The following TCF20 variants were observed in gnomAD, a reference collection of about 807,000 sequenced individuals.
TCF20 encodes transcription factor 20.
Under a neutral mutation model 148.6 loss-of-function variants are expected in TCF20, and 3 were observed. The ratio of observed to expected loss-of-function variants is 0.02; its 90% CI spans 0.01 to 0.05. TCF20 has a LOEUF of 0.05. Ranked by LOEUF, TCF20 falls within the 10% of genes least tolerant of loss-of-function variation. The pLI is 1.00. For synonymous variants in TCF20, 1,049 were observed against 909.5 expected, an observed-to-expected ratio of 1.15 and a Z score of -2.76; for missense variants, 2,350 against 2,429.3, an observed-to-expected ratio of 0.97 and a Z score of 0.69.
chr22:42,195,232 A>G (rs1326504254), intron 2 of TCF20, among the ~76,000 whole-genome samples: 1 of 151,312 alleles, frequency 6.6e-6, no homozygotes, highest in Non-Finnish European at 1.5e-5. Context: ...CCAGAGACAT[A>G]CACTGAAACT....
At chr22:42,273,879 G>A (rs1284496625), upstream of TCF20, 1 of 152,724 alleles carries the variant, frequency 6.5e-6, no homozygotes, top group Admixed American at 6.5e-5. Context: ...TACAAATGGA[G>A]CCTTCTGCCT....
intron 5 of TCF20, among the ~76,000 whole-genome samples, chr22:42,162,463 G>A (rs547681017): frequency 5.9e-5 from 9 of 152,290 alleles, no homozygotes; most frequent in Non-Finnish European, 1.0e-4. Context: ...ATGTGCAGAA[G>A]GGGATTCTGA....
At chr22:42,264,702 T>C (rs746921296) in intron 1 of TCF20, among the ~76,000 whole-genome samples, 1 of 152,218 alleles carries the variant, frequency 6.6e-6, no homozygotes, top group Non-Finnish European at 1.5e-5. Context: ...CCTGAGTTAT[T>C]TCACATTGTT....
intron 2 of TCF20, among the ~76,000 whole-genome samples, chr22:42,180,231 A>G (rs1173789556): frequency 6.6e-6 from 1 of 152,196 alleles, no homozygotes; most frequent in Non-Finnish European, 1.5e-5. Context: ...ACTTACCCCA[A>G]ATGCCCAATA....
At chr22:42,342,499 G>C (rs967307596) in intron 1 of TCF20, among the ~76,000 whole-genome samples, 1 of 152,224 alleles carries the variant, frequency 6.6e-6, no homozygotes, top group Non-Finnish European at 1.5e-5. Context: ...ACTCTGAGCA[G>C]CACTAGACTA....
intron 1 of TCF20, among the ~76,000 whole-genome samples, chr22:42,267,977 C>G (rs1414438972): frequency 6.6e-6 from 1 of 152,072 alleles, no homozygotes; most frequent in African/African-American, 2.4e-5. Flanking sequence ...GAAATGTTGT[C>G]TCTACTTAAA....
intron 1 of TCF20, among the ~76,000 whole-genome samples, chr22:42,311,213 C>G (rs1032128338): frequency 6.6e-6 from 1 of 152,226 alleles, no homozygotes; most frequent in South Asian, 2.1e-4. Flanking sequence ...GGCAGGGGTC[C>G]CTGCGGGGCT....
At chr22:42,254,224 T>C (rs112497115) in intron 1 of TCF20, among the ~76,000 whole-genome samples, 14 of 152,326 alleles carry the variant, frequency 9.2e-5, no homozygotes, top group African/African-American at 3.1e-4. Context: ...GCTGGGAATA[T>C]GATGGGCAAC....
chr22:42,271,786 A>G (rs1926630655), upstream of TCF20, among the ~76,000 whole-genome samples: 1 of 152,158 alleles, frequency 6.6e-6, no homozygotes, highest in African/African-American at 2.4e-5. Flanking sequence ...ACCCAACTTA[A>G]AAGTTGGGAT....
At chr22:42,300,866 C>T (rs5758703) in intron 1 of TCF20, among the ~76,000 whole-genome samples, 100,257 of 152,050 alleles carry the variant, frequency 0.66, 33,687 homozygotes, top group African/African-American at 0.79. Context: ...TCCCCTCCCC[C>T]GAGCCCCACC....
Position 42,324,220 on chromosome 22 carries a change from ATGATGGTGG to A in TCF20, c.-37+19250_-37+19258del, listed in dbSNP as rs1482914692. 3.0e-5 allele frequency among the ~76,000 whole-genome samples: 4 copies of A among 134,982 alleles called. No homozygotes were observed. In the East Asian group the frequency reaches 6.4e-4, roughly 22 times the overall value. 88.6% of individuals were successfully genotyped at this position (134,982 alleles called of 152,430 possible). ...GGTGGAGGTTATGGTGGAGGTGGTGATGATGGTGGTGATGGTGGTGGCCATTATTATTGG... is the reference window on the plus strand; with the variant it reads ...GGTGGAGGTTATGGTGGAGGTGGTGATGATGGTGGTGGCCATTATTATTGG... On this transcript the variant is annotated intron_variant, in intron 1 of 1. Coordinates refer to the TCF20 transcript ENST00000515426.
chr22:42,183,871 C>T (rs973980240), intron 2 of TCF20, among the ~76,000 whole-genome samples: 3 of 151,590 alleles, frequency 2.0e-5, no homozygotes, highest in African/African-American at 4.9e-5. Flanking sequence ...CGGGTTCAAG[C>T]GATTCCCCTG....
At chr22:42,188,732 G>A (rs1246462824) in intron 2 of TCF20, among the ~76,000 whole-genome samples, 1 of 152,092 alleles carries the variant, frequency 6.6e-6, no homozygotes, top group Admixed American at 6.6e-5. Context: ...TGATGGTATC[G>A]ACTTCAGAAG....
intron 2 of TCF20, among the ~76,000 whole-genome samples, chr22:42,199,704 T>TAA (rs1569132053): frequency 6.7e-5 from 1 of 14,964 alleles, no homozygotes; most frequent in Non-Finnish European, 1.5e-4. Context: ...ACCCCATCTC[T>TAA]ACAAAAAAAA....
intron 2 of TCF20, among the ~76,000 whole-genome samples, chr22:42,188,292 T>TAAAAAAAAAAA (rs1937145750): frequency 9.2e-4 from 1 of 1,086 alleles, no homozygotes; most frequent in Admixed American, 0.015. Context: ...AAACTCCGTC[T>TAAAAAAAAAAA]CAAAAAAAAA....
intron 1 of TCF20, among the ~76,000 whole-genome samples, chr22:42,293,364 C>T (rs134906): frequency 0.37 from 55,544 of 152,134 alleles, 11,380 homozygotes; most frequent in Non-Finnish European, 0.45. Flanking sequence ...AGCTCATTCC[C>T]TAGGGCTCGG....
rs962958105 is a variant in TCF20, at chr22:42,317,620, G to A, written c.-37+25859C>T. 6.6e-6 allele frequency among the ~76,000 whole-genome samples: 1 copy of A among 152,032 alleles called. No individual in the cohort carries two copies. Among genetic ancestry groups the A allele is most frequent in the Admixed American group, 6.6e-5 (1 of 15,264 alleles). On this transcript the variant is annotated intron_variant, in intron 1 of 1. Coordinates refer to the TCF20 transcript ENST00000515426. The surrounding 1 kb of genome is among the most constrained non-coding windows in gnomAD (Gnocchi z 4.2). ...GCCCAAGGCAGCACCCTCAGAGGAGGGCTCTGCTCCTGCATTCCCGCTGGG... is the reference window on the plus strand; with the variant it reads ...GCCCAAGGCAGCACCCTCAGAGGAGAGCTCTGCTCCTGCATTCCCGCTGGG...
chr22:42,164,371 C>G (rs757350786), intron 5 of TCF20, among the ~76,000 whole-genome samples: 1 of 152,048 alleles, frequency 6.6e-6, no homozygotes, highest in Non-Finnish European at 1.5e-5. Context: ...CCCACCACCA[C>G]GCCCGGCTAA....
In TCF20 at chr22:42,161,236, A is replaced by G; in HGVS notation, c.*167T>C. 1.4e-6 allele frequency: 2 copies of G among 1,405,046 alleles called. No individual in the cohort carries two copies. Among genetic ancestry groups the G allele is most frequent in the Non-Finnish European group, 2.0e-6 (2 of 1,007,386 alleles). The allele number at this position is 1,405,046 out of a possible 1,614,324, so 87.0% of individuals were successfully genotyped here. ...TTGAGTGTGATGTGAGAACTTAAGG[A>G]AGTGCTGGCATGGGCAGGCACGCGG... On this transcript the variant is annotated 3_prime_UTR_variant, in exon 6 of 6. Transcript: ENST00000677622.
Sources: gnomAD v4.1 joint callset for allele counts (sites outside exome capture counted in the v4.1 genomes callset) on GRCh38, gnomAD v4.1.1 for gene constraint, Gnocchi (gnomAD v3.1) non-coding constraint, MANE v1.5 for transcripts, NCBI Gene and HGNC (gene_info 2026-07-23, HGNC 2026-07-21) for gene names.